CYP46A1: variants seen among roughly 807,000 people sequenced by gnomAD.
The protein encoded by CYP46A1 is cholesterol 24-hydroxylase.
In CYP46A1, 20 loss-of-function variants were observed where a neutral mutation model predicts 63.3. The observed-to-expected ratio is 0.32, with a 90% CI of 0.22 to 0.46. The LOEUF (loss-of-function observed/expected upper bound fraction) is 0.46. CYP46A1 is among the 20% of genes least tolerant of loss of function. The pLI is 1.00. For missense variants in CYP46A1, 445 were observed against 670.8 expected, an observed-to-expected ratio of 0.66 and a Z score of 3.72; for synonymous variants, 268 against 273.6, an observed-to-expected ratio of 0.98 and a Z score of 0.20.
intron 14 of CYP46A1, 72 bp downstream of exon 14, chr14:99,726,328 C>T: frequency 6.6e-7 from 1 of 1,512,652 alleles, no homozygotes; most frequent in Non-Finnish European, 9.1e-7. Flanking sequence ...AGCCGGGAAG[C>T]ATCTCCGAAC....
At chr14:99,717,985 G>C in intron 9 of CYP46A1, 69 bp from the exon 10 acceptor site, 1 of 1,278,310 alleles carries the variant, frequency 7.8e-7, no homozygotes, top group Non-Finnish European at 1.1e-6. Context: ...CTGGCATAGA[G>C]GCAGGCACAA....
At position 99,722,524 on chromosome 14, in the gene CYP46A1, C is replaced by G. The variant is rs1324508785; in HGVS notation, c.1176+458C>G. The stretch of plus-strand genomic sequence containing the variant: ...TTACTTGTTCATTTATCCATTCATC[C>G]AGGCATTTACTCATGTATGATAGCC... On this transcript the variant is annotated intron_variant, in intron 12 of 14. Transcript: ENST00000261835. The surrounding 1 kb of genome is among the most constrained non-coding windows in gnomAD (Gnocchi z 4.6). Among the ~76,000 whole-genome samples, 1 of 152,036 alleles carries G rather than the reference C, an allele frequency of 6.6e-6. No individual in the cohort carries two copies. The highest frequency in any genetic ancestry group is 6.6e-5 in the Admixed American group (1 of 15,256).
intron 1 of CYP46A1, among the ~76,000 whole-genome samples, chr14:99,688,516 C>T (rs867721687): frequency 2.2e-4 from 33 of 152,170 alleles, no homozygotes; most frequent in African/African-American, 7.5e-4. Flanking sequence ...CCAGCTGTTC[C>T]GGGAGGGTAG....
chr14:99,718,025 G>A (rs749131233), intron 9 of CYP46A1, 29 bp from the exon 10 acceptor site: 1 of 1,593,348 alleles, frequency 6.3e-7, no homozygotes, highest in Non-Finnish European at 8.6e-7. Context: ...GGCCCCATGT[G>A]GAGCAACCAC....
intron 3 of CYP46A1, among the ~76,000 whole-genome samples, chr14:99,696,771 T>TA (rs1250042587): frequency 6.6e-6 from 1 of 152,232 alleles, no homozygotes; most frequent in Non-Finnish European, 1.5e-5. Flanking sequence ...GTGGCATGTC[T>TA]AATGATTTTT....
intron 3 of CYP46A1, among the ~76,000 whole-genome samples, chr14:99,692,445 A>G (rs866408547): frequency 1.2e-4 from 19 of 152,282 alleles, no homozygotes; most frequent in Admixed American, 4.6e-4. Flanking sequence ...AGGCTGAGGC[A>G]GGAGAATCAC....
intron 10 of CYP46A1, 40 bp downstream of exon 10, chr14:99,718,166 T>G: frequency 1.3e-6 from 2 of 1,583,458 alleles, no homozygotes; most frequent in South Asian, 1.1e-5. Context: ...GAGGTCTGTC[T>G]GATTTCTTGT....
chr14:99,699,164 G>C (rs1375336042), intron 3 of CYP46A1, among the ~76,000 whole-genome samples: 3 of 152,088 alleles, frequency 2.0e-5, no homozygotes, highest in East Asian at 3.8e-4. Flanking sequence ...CTGTTTTGCT[G>C]CTTTGGAAGG....
chr14:99,721,654 C>T (rs1021498578), intron 11 of CYP46A1, among the ~76,000 whole-genome samples: 7 of 152,258 alleles, frequency 4.6e-5, no homozygotes, highest in Non-Finnish European at 8.8e-5. Flanking sequence ...TCCATGCTGC[C>T]GCCGCACAGC....
At chr14:99,707,706 C>A in intron 7 of CYP46A1, 28 bp downstream of exon 7, 1 of 1,600,736 alleles carries the variant, frequency 6.2e-7, no homozygotes. Context: ...CCTCTGGTGA[C>A]CAGCCACCAG....
At chr14:99,715,746 G>T in intron 7 of CYP46A1, 64 bp from the exon 8 acceptor site, 2 of 1,605,020 alleles carry the variant, frequency 1.2e-6, no homozygotes, top group South Asian at 2.2e-5. Flanking sequence ...TCGGGGTGGT[G>T]GGGGAGAGGG....
Position 99,699,532 on chromosome 14 carries a change from G to C in CYP46A1, c.349G>C (p.Gly117Arg). The C allele has an allele frequency of 6.2e-7, 1 of 1,614,138 alleles. No individual in the cohort carries two copies. The highest frequency in any genetic ancestry group is 8.5e-7 in the Non-Finnish European group (1 of 1,180,026). Residue 117 changes from glycine (G) to arginine (R), a missense_variant, in exon 4 of 15, where the codon GGT (glycine) becomes CGT (arginine). By Grantham distance (125) the Gly-to-Arg change is moderately radical. This residue lies in a region of CYP46A1 where 252 missense variants were observed against 383.3 expected (regional missense o/e 0.66). Transcript: ENST00000261835. ...GTACCGTGCGCTCCAGACTGTGTTT[G>C]GTGAGAGGTAAGGAGGTATGGTGGA... is the stretch of plus-strand genomic sequence containing the variant. The part of the protein sequence containing the change: ...KMYRALQTVF[G>R]ERLFGQGLVS...
At chr14:99,703,828 G>A (rs764858842) in intron 5 of CYP46A1, 33 of 985,132 alleles carry the variant, frequency 3.3e-5, no homozygotes, top group South Asian at 4.7e-5. Flanking sequence ...GAATGAATGC[G>A]TAAGTGAATC....
At chr14:99,721,198 G>T (rs1336385861) in intron 10 of CYP46A1, 41 bp from the exon 11 acceptor site, 1 of 1,493,532 alleles carries the variant, frequency 6.7e-7, no homozygotes. Flanking sequence ...TCGGGGACAG[G>T]CTCCCTTTGG....
chr14:99,688,766 C>T (rs2056517889), intron 1 of CYP46A1, among the ~76,000 whole-genome samples: 1 of 152,198 alleles, frequency 6.6e-6, no homozygotes, highest in Admixed American at 6.5e-5. Flanking sequence ...CTGGTTCTCT[C>T]TGCCCCATAC....
chr14:99,695,522 T>G (rs756873834), intron 3 of CYP46A1: 8 of 342,254 alleles, frequency 2.3e-5, no homozygotes, highest in South Asian at 1.7e-4. Context: ...AATTGACTCT[T>G]TTATCCTTAG....
intron 10 of CYP46A1, among the ~76,000 whole-genome samples, chr14:99,719,769 T>C (rs971592824): frequency 5.3e-5 from 8 of 149,568 alleles, no homozygotes; most frequent in African/African-American, 2.0e-4. Flanking sequence ...TTCTTTTTTT[T>C]TTTTTTTTTT....
intron 3 of CYP46A1, chr14:99,693,476 A>G (rs1182776895): frequency 1.3e-5 from 2 of 152,258 alleles, no homozygotes. Flanking sequence ...TGTTAAACCA[A>G]TCTTGCATTC....
intron 1 of CYP46A1, among the ~76,000 whole-genome samples, chr14:99,689,168 G>A (rs1244577164): frequency 6.6e-6 from 1 of 152,134 alleles, no homozygotes; most frequent in Non-Finnish European, 1.5e-5. Context: ...AGATCTGAGT[G>A]TCTAACTTCC....
Sources: allele counts gnomAD v4.1 joint callset (sites outside exome capture counted in the v4.1 genomes callset), GRCh38; gene constraint gnomAD v4.1.1; regional missense constraint gnomAD v4.1.1; non-coding constraint Gnocchi (gnomAD v3.1); transcripts MANE v1.5; gene names NCBI Gene and HGNC (gene_info 2026-07-23, HGNC 2026-07-21).